Variants in SLC25A13 observed in about 807,000 individuals in gnomAD.
The protein encoded by SLC25A13 is electrogenic aspartate/glutamate antiporter SLC25A13, mitochondrial.
Under a neutral mutation model 85.5 loss-of-function variants are expected in SLC25A13, and 70 were observed. That is an observed-to-expected ratio of 0.82 (90% CI 0.68 to 1.00). The LOEUF (loss-of-function observed/expected upper bound fraction) is 1.00. Among genes scored for constraint, SLC25A13 ranks in the 50% least tolerant of loss-of-function variants. SLC25A13 has a pLI of 0.00. For missense variants in SLC25A13, 765 were observed against 819.8 expected (o/e 0.93, Z 0.82); for synonymous variants, 259 against 288.7 (o/e 0.90, Z 1.04).
intron 13 of SLC25A13, among the ~76,000 whole-genome samples, chr7:96,158,600 G>A (rs908787961): frequency 1.3e-5 from 2 of 152,164 alleles, no homozygotes; most frequent in African/African-American, 4.8e-5. Flanking sequence ...AATGACATGT[G>A]CTAAGAATAT....
chr7:96,300,023 T>C (rs1799493995), intron 1 of SLC25A13, among the ~76,000 whole-genome samples: 1 of 152,220 alleles, frequency 6.6e-6, no homozygotes, highest in African/African-American at 2.4e-5. Flanking sequence ...AACATCCTTA[T>C]GTGGTACATA....
At chr7:96,263,040 A>C (rs981127901) in intron 3 of SLC25A13, among the ~76,000 whole-genome samples, 7 of 151,668 alleles carry the variant, frequency 4.6e-5, no homozygotes, top group South Asian at 2.1e-4. Flanking sequence ...AAAAAAAAAA[A>C]AAAAACAGCA....
intron 1 of SLC25A13, among the ~76,000 whole-genome samples, chr7:96,314,207 T>TGAGAC (rs1215864765): frequency 3.3e-5 from 5 of 151,482 alleles, no homozygotes; most frequent in African/African-American, 1.2e-4. Flanking sequence ...AGGGGTAATA[T>TGAGAC]GAGATGCTAG....
At chr7:96,293,489 G>C (rs1448365099) in intron 2 of SLC25A13, among the ~76,000 whole-genome samples, 3 of 152,086 alleles carry the variant, frequency 2.0e-5, no homozygotes, top group Admixed American at 6.6e-5. Flanking sequence ...AGAGTGAACA[G>C]GCAACCTACA....
intron 3 of SLC25A13, among the ~76,000 whole-genome samples, chr7:96,238,379 T>C (rs1403895586): frequency 7.1e-6 from 1 of 140,062 alleles, no homozygotes; most frequent in Non-Finnish European, 1.6e-5. Flanking sequence ...CTCCAGAACT[T>C]AGGACAACTA....
chr7:96,157,157 C>T (rs1001727176), intron 13 of SLC25A13, among the ~76,000 whole-genome samples: 4 of 152,146 alleles, frequency 2.6e-5, no homozygotes, highest in Admixed American at 2.0e-4. Flanking sequence ...AGCATGAAGT[C>T]CAAGCGCCAA....
chr7:96,261,147 C>A (rs1393743704), intron 3 of SLC25A13, among the ~76,000 whole-genome samples: 4 of 152,102 alleles, frequency 2.6e-5, no homozygotes, highest in Non-Finnish European at 5.9e-5. Flanking sequence ...ATGGCTTACT[C>A]CTTCATTCAA....
chr7:96,149,689 G>A (rs539995745), intron 13 of SLC25A13, among the ~76,000 whole-genome samples: 5 of 152,298 alleles, frequency 3.3e-5, no homozygotes, highest in African/African-American at 9.6e-5. Flanking sequence ...GAGTCGAACT[G>A]GAAGGAAATG....
At chr7:96,153,072 T>C (rs1263842840) in intron 13 of SLC25A13, among the ~76,000 whole-genome samples, 6 of 152,226 alleles carry the variant, frequency 3.9e-5, no homozygotes, top group Admixed American at 1.3e-4. Flanking sequence ...ATAATTATGC[T>C]GTGCTTACGC....
At chr7:96,252,822 G>A (rs1438067900) in intron 3 of SLC25A13, among the ~76,000 whole-genome samples, 5 of 152,152 alleles carry the variant, frequency 3.3e-5, no homozygotes, top group Non-Finnish European at 5.9e-5. Context: ...GGCTGGGCAC[G>A]GTGGGTCACA....
chr7:96,259,580 A>G (rs892923995), intron 3 of SLC25A13, among the ~76,000 whole-genome samples: 1 of 152,324 alleles, frequency 6.6e-6, no homozygotes, highest in South Asian at 2.1e-4. Flanking sequence ...GGATGTGGAG[A>G]AATAGGAACG....
chr7:96,276,153 G>C (rs963411126), intron 3 of SLC25A13, among the ~76,000 whole-genome samples: 2 of 152,196 alleles, frequency 1.3e-5, no homozygotes, highest in African/African-American at 4.8e-5. Context: ...ACCTAGAGAA[G>C]GAAGAAGGCA....
chr7:96,275,340 A>T (rs1169330507), intron 3 of SLC25A13, among the ~76,000 whole-genome samples: 1 of 152,208 alleles, frequency 6.6e-6, no homozygotes, highest in Non-Finnish European at 1.5e-5. Flanking sequence ...TTCCTCAGGG[A>T]TCTTGAACTA....
intron 1 of SLC25A13, among the ~76,000 whole-genome samples, chr7:96,315,553 G>A (rs1380032668): frequency 6.6e-6 from 1 of 152,178 alleles, no homozygotes; most frequent in East Asian, 1.9e-4. Context: ...AAGGGGACAG[G>A]ACTGAGGAAG....
chr7:96,150,481 G>A (rs1236337022), intron 13 of SLC25A13, among the ~76,000 whole-genome samples: 1 of 152,082 alleles, frequency 6.6e-6, no homozygotes, highest in Non-Finnish European at 1.5e-5. Context: ...CAACTGTTAT[G>A]GGCTGAACTG....
chr7:96,251,213 G>A (rs1185138349), intron 3 of SLC25A13, among the ~76,000 whole-genome samples: 1 of 152,132 alleles, frequency 6.6e-6, no homozygotes, highest in Non-Finnish European at 1.5e-5. Flanking sequence ...GTGTGTTCAA[G>A]GTGCGGCAAG....
intron 3 of SLC25A13, among the ~76,000 whole-genome samples, chr7:96,249,281 A>G (rs1408907776): frequency 6.6e-6 from 1 of 152,266 alleles, no homozygotes; most frequent in Non-Finnish European, 1.5e-5. Context: ...AAATTTTACT[A>G]CATGAACATA....
chr7:96,265,849 G>T (rs1400206479), intron 3 of SLC25A13, among the ~76,000 whole-genome samples: 2 of 152,152 alleles, frequency 1.3e-5, no homozygotes, highest in African/African-American at 4.8e-5. Flanking sequence ...GGCAGCAGCA[G>T]GTCTGGTGTC....
intron 2 of SLC25A13, among the ~76,000 whole-genome samples, chr7:96,290,208 T>C (rs1197651566): frequency 6.6e-6 from 1 of 152,164 alleles, no homozygotes; most frequent in Non-Finnish European, 1.5e-5. Flanking sequence ...TAAAATACTT[T>C]ACAGACAAGC....
Sources: allele counts gnomAD v4.1 joint callset (sites outside exome capture counted in the v4.1 genomes callset), GRCh38; gene constraint gnomAD v4.1.1; transcripts MANE v1.5; gene names NCBI Gene and HGNC (gene_info 2026-07-23, HGNC 2026-07-21).